Variants in CADPS observed in about 807,000 individuals in gnomAD.
CADPS encodes calcium dependent secretion activator.
Under a neutral mutation model 167.3 loss-of-function variants are expected in CADPS, and 57 were observed. That is an observed-to-expected ratio of 0.34 (90% CI 0.28 to 0.42). The LOEUF (loss-of-function observed/expected upper bound fraction) is 0.42. Ranked by LOEUF, CADPS falls within the 20% of genes least tolerant of loss-of-function variation. CADPS has a pLI of 1.00. For missense variants in CADPS, 1,414 were observed against 1,738.1 expected (o/e 0.81, Z 3.32); for synonymous variants, 676 against 635.3 (o/e 1.06, Z -0.96).
At chr3:62,700,719 C>T (rs2081232963) in intron 3 of CADPS, among the ~76,000 whole-genome samples, 1 of 152,078 alleles carries the variant, frequency 6.6e-6, no homozygotes. Context: ...AAGGACATCC[C>T]ATTCTTATGC....
At position 62,588,375 on chromosome 3, in the gene CADPS, C is replaced by T. The variant is rs1171864847; in HGVS notation, c.1438-3051G>A. Among the ~76,000 whole-genome samples the T allele has an allele frequency of 2.0e-5, 3 of 146,414 alleles. No individual in the cohort carries two copies. The East Asian group carries it at 6.0e-4, about 29-fold the overall frequency. On this transcript the variant is annotated intron_variant, in intron 7 of 29. Transcript: ENST00000383710. The stretch of plus-strand genomic sequence containing the variant: ...TGTTTTTATGTCTGTGTCCCTTATG[C>T]TTTGTGAGGTTAAGGGTTTTTTACC...
chr3:62,427,504 G>A (rs2052996042), intron 28 of CADPS, among the ~76,000 whole-genome samples: 1 of 152,098 alleles, frequency 6.6e-6, no homozygotes, highest in Non-Finnish European at 1.5e-5. Flanking sequence ...ATCCTTTACT[G>A]TAGGGGCTGT....
intron 6 of CADPS, among the ~76,000 whole-genome samples, 166 bp downstream of exon 6, chr3:62,645,556 T>C (rs2068358195): frequency 6.6e-6 from 1 of 152,224 alleles, no homozygotes; most frequent in African/African-American, 2.4e-5. Flanking sequence ...ATCTTTGCTG[T>C]GGCTGCCAAA....
intron 3 of CADPS, among the ~76,000 whole-genome samples, chr3:62,672,100 A>G (rs2075633739): frequency 6.6e-6 from 1 of 151,998 alleles, no homozygotes; most frequent in Non-Finnish European, 1.5e-5. Context: ...AAACCCTCCG[A>G]GTGATTCCAA....
chr3:62,681,019 A>G (rs1287946002), intron 3 of CADPS, among the ~76,000 whole-genome samples: 1 of 151,966 alleles, frequency 6.6e-6, no homozygotes, highest in Non-Finnish European at 1.5e-5. Context: ...GATCCTGCTG[A>G]ATTGACCATT....
intron 28 of CADPS, among the ~76,000 whole-genome samples, chr3:62,424,586 T>C (rs537546564): frequency 1.3e-5 from 2 of 152,304 alleles, no homozygotes; most frequent in East Asian, 3.9e-4. Flanking sequence ...GCATTAGACT[T>C]GGCTTCAGAT....
chr3:62,411,141 T>C (rs2048882907), intron 28 of CADPS, among the ~76,000 whole-genome samples: 1 of 152,186 alleles, frequency 6.6e-6, no homozygotes, highest in South Asian at 2.1e-4. Context: ...CCCCACCTTT[T>C]TGAGCAGCTT....
At position 62,629,908 on chromosome 3, in the gene CADPS, A is replaced by C. The variant is rs191105634; in HGVS notation, c.1325+15814T>G. On this transcript the variant is annotated intron_variant, in intron 6 of 29. Transcript: ENST00000383710. Reference sequence around the variant, plus strand: ...AGTGGATCTTTGACATTGAAGTGTCAACTCAAATAGCTCCTCTATAAGGAG... The same window carrying C: ...AGTGGATCTTTGACATTGAAGTGTCCACTCAAATAGCTCCTCTATAAGGAG... Among the ~76,000 whole-genome samples, 3 of 152,258 alleles carry C rather than the reference A, an allele frequency of 2.0e-5. No individual in the cohort carries two copies. In the East Asian group the frequency reaches 5.8e-4, roughly 29 times the overall value.
At chr3:62,565,245 A>G (rs1437728516) in intron 9 of CADPS, among the ~76,000 whole-genome samples, 2 of 152,220 alleles carry the variant, frequency 1.3e-5, no homozygotes, top group Non-Finnish European at 2.9e-5. Flanking sequence ...GTTTGCAGCC[A>G]GCCAAGTTTA....
intron 3 of CADPS, among the ~76,000 whole-genome samples, chr3:62,729,378 G>A (rs531184200): frequency 1.3e-5 from 2 of 151,980 alleles, no homozygotes; most frequent in Admixed American, 1.3e-4. Context: ...GCCCTTAACT[G>A]AAACCACAAA....
chr3:62,808,018 C>T (rs866740519), intron 1 of CADPS, among the ~76,000 whole-genome samples: 54 of 151,976 alleles, frequency 3.6e-4, no homozygotes, highest in African/African-American at 1.2e-3. Context: ...GGACTACGGG[C>T]GCACATCACC....
intron 6 of CADPS, among the ~76,000 whole-genome samples, chr3:62,634,856 GCA>G (rs1165803005): frequency 3.3e-5 from 5 of 152,106 alleles, no homozygotes; most frequent in Non-Finnish European, 7.4e-5. Context: ...TGCCTCAAAG[GCA>G]CAGTGTTTAT....
chr3:62,471,520 C>T (rs916965634), intron 24 of CADPS, among the ~76,000 whole-genome samples: 1 of 152,168 alleles, frequency 6.6e-6, no homozygotes, highest in East Asian at 1.9e-4. Flanking sequence ...AAACCCCCAG[C>T]TCAAAAGCAA....
chr3:62,699,574 GTTGTT>G (rs1303957383), intron 3 of CADPS, among the ~76,000 whole-genome samples: 6 of 150,080 alleles, frequency 4.0e-5, no homozygotes, highest in Non-Finnish European at 9.0e-5. Context: ...TTTTTGTAAA[GTTGTT>G]TTGTTCTGAG....
chr3:62,716,008 G>A (rs1478871384), intron 3 of CADPS, among the ~76,000 whole-genome samples: 1 of 151,890 alleles, frequency 6.6e-6, no homozygotes, highest in Non-Finnish European at 1.5e-5. Context: ...GCCTCCCAAA[G>A]TGCTGGGATC....
chr3:62,647,538 T>G (rs762494559), intron 5 of CADPS, among the ~76,000 whole-genome samples: 1 of 152,206 alleles, frequency 6.6e-6, no homozygotes, highest in Non-Finnish European at 1.5e-5. Context: ...TGATTTGATG[T>G]TGAAGTCACT....
intron 13 of CADPS, among the ~76,000 whole-genome samples, chr3:62,527,506 A>T (rs2072599275): frequency 6.6e-6 from 1 of 152,150 alleles, no homozygotes; most frequent in South Asian, 2.1e-4. Flanking sequence ...AATGCCAAAC[A>T]TGTGGATGGT....
intron 1 of CADPS, among the ~76,000 whole-genome samples, chr3:62,840,237 C>G (rs1356286273): frequency 6.6e-6 from 1 of 152,154 alleles, no homozygotes; most frequent in African/African-American, 2.4e-5. Context: ...CTTTCCAATT[C>G]TAATTCATAA....
chr3:62,400,084 A>G (rs1705346745), intron 29 of CADPS, among the ~76,000 whole-genome samples: 1 of 152,198 alleles, frequency 6.6e-6, no homozygotes, highest in African/African-American at 2.4e-5. Flanking sequence ...AGACAGACAT[A>G]TGTATGTTGG....
Sources: gnomAD v4.1 joint callset for allele counts (sites outside exome capture counted in the v4.1 genomes callset) on GRCh38, gnomAD v4.1.1 for gene constraint, MANE v1.5 for transcripts, NCBI Gene and HGNC (gene_info 2026-07-23, HGNC 2026-07-21) for gene names.